The following DTNB variants were observed in gnomAD, a reference collection of about 807,000 sequenced individuals.
DTNB encodes DTN-B.
A neutral mutation model predicts 90.7 loss-of-function variants in DTNB; 63 were observed. The observed-to-expected ratio is 0.69, with a 90% confidence interval of 0.57 to 0.86. DTNB has a LOEUF of 0.86. DTNB is among the 40% of genes least tolerant of loss of function. DTNB has a pLI of 0.00. For synonymous variants in DTNB, 277 were observed against 286.7 expected (o/e 0.97, Z 0.34); for missense variants, 744 against 807.1 (o/e 0.92, Z 0.95).
intron 10 of DTNB, among the ~76,000 whole-genome samples, chr2:25,463,871 A>ACAGG (rs1408166770): frequency 6.6e-6 from 1 of 152,228 alleles, no homozygotes; most frequent in African/African-American, 2.4e-5. Flanking sequence ...AGAAATAATT[A>ACAGG]CAGGCATGTG....
intron 9 of DTNB, among the ~76,000 whole-genome samples, chr2:25,496,339 C>T (rs771716618): frequency 2.0e-5 from 3 of 152,090 alleles, no homozygotes; most frequent in Non-Finnish European, 4.4e-5. Context: ...TATGTAGATG[C>T]TAAGTCCTGT....
chr2:25,413,205 AT>A (rs2047019634), intron 16 of DTNB, among the ~76,000 whole-genome samples: 1 of 151,764 alleles, frequency 6.6e-6, no homozygotes, highest in African/African-American at 2.4e-5. Context: ...TTGGTAACAA[AT>A]TTTTTTCAGA....
intron 16 of DTNB, among the ~76,000 whole-genome samples, chr2:25,391,928 G>C (rs529157364): frequency 1.3e-5 from 2 of 152,172 alleles, no homozygotes; most frequent in Non-Finnish European, 2.9e-5. Context: ...GTGATGCTAA[G>C]AGGAAAGTTC....
At chr2:25,636,789 C>T (rs566858056) in intron 3 of DTNB, among the ~76,000 whole-genome samples, 2 of 151,860 alleles carry the variant, frequency 1.3e-5, no homozygotes, top group East Asian at 3.9e-4. Context: ...ATTCTGGCTA[C>T]AGCCCATCAA....
At chr2:25,458,429 G>C (rs564329342) in intron 10 of DTNB, among the ~76,000 whole-genome samples, 1 of 151,718 alleles carries the variant, frequency 6.6e-6, no homozygotes, top group Non-Finnish European at 1.5e-5. Flanking sequence ...AAAAAAGAGA[G>C]AGAGAAATCA....
chr2:25,655,027 C>A (rs921349241), intron 1 of DTNB, among the ~76,000 whole-genome samples: 5 of 152,228 alleles, frequency 3.3e-5, no homozygotes, highest in Non-Finnish European at 7.3e-5. Flanking sequence ...GTTGACTGAA[C>A]AGGTGCAGCA....
intron 2 of DTNB, among the ~76,000 whole-genome samples, chr2:25,641,819 C>T (rs1463232439): frequency 6.6e-6 from 1 of 152,124 alleles, no homozygotes; most frequent in East Asian, 1.9e-4. Flanking sequence ...AGATCAACTT[C>T]AAAGTCTTTT....
At chr2:25,459,344 T>C (rs746839229) in intron 10 of DTNB, among the ~76,000 whole-genome samples, 4 of 152,180 alleles carry the variant, frequency 2.6e-5, no homozygotes, top group South Asian at 2.1e-4. Flanking sequence ...GGGTAATTAG[T>C]ATTACCGTGT....
chr2:25,397,057 C>CA (rs535312387), intron 16 of DTNB, among the ~76,000 whole-genome samples: 30 of 151,078 alleles, frequency 2.0e-4, no homozygotes, highest in Non-Finnish European at 3.4e-4. Flanking sequence ...CTCCCCCACC[C>CA]AAAAAAAAGT....
intron 1 of DTNB, among the ~76,000 whole-genome samples, chr2:25,667,625 T>C (rs2084792724): frequency 6.6e-6 from 1 of 152,226 alleles, no homozygotes. Context: ...ACTTATTATA[T>C]AAGTACATTT....
intron 6 of DTNB, among the ~76,000 whole-genome samples, chr2:25,581,295 T>C (rs2061520218): frequency 6.6e-6 from 1 of 152,028 alleles, no homozygotes; most frequent in Non-Finnish European, 1.5e-5. Flanking sequence ...GCACACAAGA[T>C]GCACTTAAGT....
intron 20 of DTNB, among the ~76,000 whole-genome samples, chr2:25,378,158 G>A (rs944443564): frequency 2.1e-4 from 32 of 152,146 alleles, no homozygotes; most frequent in African/African-American, 7.7e-4. Flanking sequence ...GGAGAGAGGG[G>A]CTCTGGCAGG....
intron 16 of DTNB, among the ~76,000 whole-genome samples, chr2:25,410,893 T>G (rs2046414679): frequency 6.6e-6 from 1 of 152,110 alleles, no homozygotes; most frequent in African/African-American, 2.4e-5. Context: ...TTATGTTACT[T>G]TAATGTAAGT....
At chr2:25,613,829 T>G (rs1022919570) in intron 4 of DTNB, among the ~76,000 whole-genome samples, 12 of 151,896 alleles carry the variant, frequency 7.9e-5, no homozygotes. Flanking sequence ...GTGGTGGCGC[T>G]CACCAGTAAT....
At chr2:25,565,400 CTATT>C (rs1225029187) in intron 8 of DTNB, among the ~76,000 whole-genome samples, 1 of 152,038 alleles carries the variant, frequency 6.6e-6, no homozygotes, top group Non-Finnish European at 1.5e-5. Context: ...CCAAGCCCAG[CTATT>C]TTTTTTTCAT....
chr2:25,414,865 C>T (rs571735373), intron 16 of DTNB, among the ~76,000 whole-genome samples: 7 of 152,182 alleles, frequency 4.6e-5, no homozygotes, highest in Non-Finnish European at 8.8e-5. Flanking sequence ...AAGTGACCCG[C>T]GCTCAACTGA....
intron 1 of DTNB, among the ~76,000 whole-genome samples, chr2:25,673,127 G>A (rs2086484697): frequency 6.6e-6 from 1 of 151,468 alleles, no homozygotes; most frequent in South Asian, 2.1e-4. Context: ...TCCGGACCCC[G>A]ATACCCCTCC....
chr2:25,549,067 TTATAA>T (rs1306950719), intron 8 of DTNB, among the ~76,000 whole-genome samples: 7 of 152,088 alleles, frequency 4.6e-5, no homozygotes, highest in Admixed American at 1.3e-4. Flanking sequence ...TTTTGTAAAA[TTATAA>T]TATATGTAAT....
chr2:25,538,208 C>T (rs878991984), intron 8 of DTNB, among the ~76,000 whole-genome samples: 1 of 152,062 alleles, frequency 6.6e-6, no homozygotes, highest in Non-Finnish European at 1.5e-5. Flanking sequence ...CACAGCAAGA[C>T]TCCATCTCAA....
Sources: gnomAD v4.1 joint callset for allele counts (sites outside exome capture counted in the v4.1 genomes callset) on GRCh38, gnomAD v4.1.1 for gene constraint, MANE v1.5 for transcripts, NCBI Gene and HGNC (gene_info 2026-07-23, HGNC 2026-07-21) for gene names.